Variants in ATP6V0A1 observed in about 807,000 individuals in gnomAD.
The protein encoded by ATP6V0A1 is ATPase H+ transporting V0 subunit a1, also known as V-type proton ATPase 116 kDa subunit a 1.
In ATP6V0A1, 43 loss-of-function variants were observed where a neutral mutation model predicts 105.4. The ratio of observed to expected loss-of-function variants is 0.41; its 90% confidence interval spans 0.32 to 0.53. The LOEUF (loss-of-function observed/expected upper bound fraction) is 0.53. Among genes scored for constraint, ATP6V0A1 ranks in the 20% least tolerant of loss-of-function variants. The probability of loss-of-function intolerance (pLI) is 0.30; values close to 1 mark genes in which losing one functional copy is unlikely to be tolerated. For synonymous variants in ATP6V0A1, 362 were observed against 372.8 expected, an observed-to-expected ratio of 0.97 and a Z score of 0.33; for missense variants, 676 against 1,051.1, an observed-to-expected ratio of 0.64 and a Z score of 4.93.
At chr17:42,518,868 C>T (rs2092728357) in intron 21 of ATP6V0A1, 1 of 152,248 alleles carries the variant, frequency 6.6e-6, no homozygotes, top group Non-Finnish European at 1.5e-5. Context: ...GATGGGGCCC[C>T]CCTTGCCCTG....
chr17:42,480,601 GTTAT>G lies in ATP6V0A1; in HGVS notation c.634-62_634-59del, dbSNP rs1304629130. 2.7e-6 allele frequency: 4 copies of G among 1,506,592 alleles called. No homozygotes were observed. In the African/African-American group the frequency reaches 4.2e-5, roughly 16 times the overall value. 93.3% of individuals were successfully genotyped at this position (1,506,592 alleles called of 1,614,324 possible). ...TGTTCTTGCATCACCAAAAAAGTGG[GTTAT>G]TTAAGAGATTTTCATCCAGATACAG... On this transcript the variant is annotated intron_variant, in intron 7 of 21. Coordinates refer to ENST00000343619, the MANE Select transcript of ATP6V0A1 (RefSeq NM_001130021.3).
chr17:42,514,444 G>A lies in ATP6V0A1; in HGVS notation c.2404G>A (p.Ala802Thr), dbSNP rs1599145248. 1 of 1,605,366 alleles carries A rather than the reference G, an allele frequency of 6.2e-7. No individual in the cohort carries two copies. Reference protein sequence around the residue: ...IMEGLSAFLHALRLHWVEFQN... With the variant: ...IMEGLSAFLHTLRLHWVEFQN... Reference sequence around the variant, plus strand: ...GGAGGGCCTCTCGGCCTTTCTCCACGCACTGCGCTTACACTGGTGAGGGGC... The same window carrying A: ...GGAGGGCCTCTCGGCCTTTCTCCACACACTGCGCTTACACTGGTGAGGGGC... The change falls in exon 21 of 22, where the codon GCA becomes ACA. Residue 802 changes from alanine to threonine, a missense_variant. Ala to Thr is a moderately conservative substitution (Grantham distance 58). Around this residue, in one of 3 missense-constraint regions of ATP6V0A1, gnomAD observed 435 missense variants for 642.2 expected, o/e 0.68. Transcript: ENST00000343619.
intron 5 of ATP6V0A1, among the ~76,000 whole-genome samples, chr17:42,475,045 A>T (rs2088547553): frequency 6.6e-6 from 1 of 152,220 alleles, no homozygotes; most frequent in African/African-American, 2.4e-5. Context: ...ATATGAGAAC[A>T]TAAAGAAGAC....
Position 42,521,096 on chromosome 17 carries a change from T to G in ATP6V0A1, c.2490T>G (p.Ile830Met). 1 of 1,609,702 alleles carries G rather than the reference T, an allele frequency of 6.2e-7. No individual in the cohort carries two copies. The highest frequency in any genetic ancestry group is 8.5e-7 in the Non-Finnish European group (1 of 1,177,988). Reference sequence around the variant, plus strand: ...TCTTACCCTTCTCCTTCGAGCATATTCGGGAAGGGAAGTTTGAAGAGTGAG... The same window carrying G: ...TCTTACCCTTCTCCTTCGAGCATATGCGGGAAGGGAAGTTTGAAGAGTGAG... Reference protein sequence around the residue: ...FKFLPFSFEHIREGKFEE With the variant: ...FKFLPFSFEHMREGKFEE Residue 830 changes from isoleucine (I) to methionine (M), a missense_variant, in exon 22 of 22, where the codon ATT (isoleucine) becomes ATG (methionine). Physicochemically the swap from Ile to Met is conservative, Grantham distance 10. Coordinates refer to ENST00000343619, the MANE Select transcript of ATP6V0A1 (RefSeq NM_001130021.3). This position sits in a 1 kb window ranked among gnomAD's most constrained non-coding sequence, Gnocchi z 4.8.
Position 42,498,934 on chromosome 17 carries a change from T to C in ATP6V0A1, c.1571T>C (p.Ile524Thr). The change falls in exon 15 of 22, where the codon ATT (isoleucine) becomes ACT (threonine). Residue 524 changes from isoleucine (I) to threonine (T), a missense_variant. By Grantham distance (89) the Ile-to-Thr change is moderately conservative. This residue lies in a region of ATP6V0A1 where 435 missense variants were observed against 642.2 expected (regional missense o/e 0.68). Transcript: ENST00000343619. Reference sequence around the variant, plus strand: ...CTCGGGTTATGACAGATTTGGAACATTGCTACCAATAAACTGACGTTCTTG... The same window carrying C: ...CTCGGGTTATGACAGATTTGGAACACTGCTACCAATAAACTGACGTTCTTG... ...YPFGIDPIWN[I>T]ATNKLTFLNS... 6.2e-7 allele frequency: 1 copy of C among 1,608,938 alleles called. No homozygotes were observed. Among genetic ancestry groups the C allele is most frequent in the Non-Finnish European group, 8.5e-7 (1 of 1,175,424 alleles).
intron 21 of ATP6V0A1, among the ~76,000 whole-genome samples, chr17:42,516,403 T>G (rs1567875144): frequency 1.3e-5 from 2 of 152,066 alleles, no homozygotes; most frequent in African/African-American, 4.8e-5. Context: ...CCTGGCTCTC[T>G]CCCTCCTGGC....
At position 42,514,410 on chromosome 17, in the gene ATP6V0A1, C is replaced by T. The variant is rs775854389; in HGVS notation, c.2370C>T (p.Leu790=). 7 of 1,613,304 alleles carry T rather than the reference C, an allele frequency of 4.3e-6. No homozygotes were observed. Among genetic ancestry groups the T allele is most frequent in the Non-Finnish European group, 5.9e-6 (7 of 1,179,706 alleles). The part of the protein sequence containing the change: ...TAFATLTVAI[L]LIMEGLSAFL... ...TTGCCACCCTGACCGTGGCCATCCT[C>T]CTGATCATGGAGGGCCTCTCGGCCT... The change falls in exon 21 of 22, where the codon CTC becomes CTT. Residue 790 remains leucine, a synonymous_variant. Coordinates refer to ENST00000343619, the MANE Select transcript of ATP6V0A1 (RefSeq NM_001130021.3).
chr17:42,474,390 T>G (rs1051814872), intron 5 of ATP6V0A1, among the ~76,000 whole-genome samples: 1 of 152,168 alleles, frequency 6.6e-6, no homozygotes, highest in South Asian at 2.1e-4. Flanking sequence ...GAGGTTCTTA[T>G]GCTGCTTTTG....
At chr17:42,472,722 T>C (rs2145755490) in intron 5 of ATP6V0A1, among the ~76,000 whole-genome samples, 1 of 151,474 alleles carries the variant, frequency 6.6e-6, no homozygotes, top group East Asian at 1.9e-4. Flanking sequence ...AGACTCCATC[T>C]CAAAAAAAAA....
Position 42,497,688 on chromosome 17 carries a change from AAAG to A in ATP6V0A1, c.1561-1233_1561-1231del, listed in dbSNP as rs1346675103. Among the ~76,000 whole-genome samples, 5 of 151,430 alleles carry A rather than the reference AAAG, an allele frequency of 3.3e-5. 1 individual carries two copies. The highest frequency in any genetic ancestry group is 3.3e-4 in the Admixed American group (5 of 15,184). On this transcript the variant is annotated intron_variant, in intron 14 of 21. Coordinates refer to ENST00000343619, the MANE Select transcript of ATP6V0A1 (RefSeq NM_001130021.3). Reference sequence around the variant, plus strand: ...ACTCCATCTAAAAGAAAAAAAAAAAAAAGAAATCATTGTTAATGCATTTACGTG... The same window carrying A: ...ACTCCATCTAAAAGAAAAAAAAAAAAAAATCATTGTTAATGCATTTACGTG...
intron 21 of ATP6V0A1, among the ~76,000 whole-genome samples, chr17:42,516,582 GC>G (rs1396605895): frequency 6.6e-6 from 1 of 152,174 alleles, no homozygotes; most frequent in Non-Finnish European, 1.5e-5. Flanking sequence ...TGTCTCTTGA[GC>G]CCTGGGTTTG....
chr17:42,490,006 G>T (rs1346224605), intron 10 of ATP6V0A1, among the ~76,000 whole-genome samples: 3 of 152,212 alleles, frequency 2.0e-5, no homozygotes, highest in Non-Finnish European at 4.4e-5. Context: ...CGTGCATGGG[G>T]GAGAGAAGCT....
chr17:42,477,147 A>G (rs1464340674), intron 5 of ATP6V0A1, among the ~76,000 whole-genome samples: 1 of 152,242 alleles, frequency 6.6e-6, no homozygotes, highest in African/African-American at 2.4e-5. Context: ...TTCCTTGGAA[A>G]GAGAGCCTCT....
chr17:42,510,621 C>A (rs1194456980), intron 19 of ATP6V0A1: 7 of 152,340 alleles, frequency 4.6e-5, no homozygotes, highest in African/African-American at 1.7e-4. Flanking sequence ...GAGTGGGGAA[C>A]TGGGGACAGG....
rs372452407 is a variant in ATP6V0A1 at position 42,506,376 on chromosome 17, A to G, written c.2005-1144A>G. Among the ~76,000 whole-genome samples the G allele has an allele frequency of 1.5e-4, 23 of 152,312 alleles. No individual in the cohort carries two copies. The East Asian group carries it at 1.5e-3, about 10-fold the overall frequency. On this transcript the variant is annotated intron_variant, in intron 17 of 21. Transcript: ENST00000343619. The stretch of plus-strand genomic sequence containing the variant: ...GACCAGCATGTTAAGGACCACTGCT[A>G]GAGTAGGAGGGAGGATTTGTGCAAA...
intron 10 of ATP6V0A1, among the ~76,000 whole-genome samples, chr17:42,489,285 T>G (rs2090410624): frequency 6.6e-6 from 1 of 151,980 alleles, no homozygotes; most frequent in Non-Finnish European, 1.5e-5. Context: ...TTCATCACGT[T>G]GACCAAGCTG....
chr17:42,461,549 C>T (rs969469119), intron 2 of ATP6V0A1, among the ~76,000 whole-genome samples: 1 of 151,918 alleles, frequency 6.6e-6, no homozygotes, highest in African/African-American at 2.4e-5. Flanking sequence ...CTGAGGCGGG[C>T]GGATCGGGAG....
At chr17:42,508,659 G>C in intron 19 of ATP6V0A1, 70 bp downstream of exon 19, 1 of 1,597,050 alleles carries the variant, frequency 6.3e-7, no homozygotes, top group Non-Finnish European at 8.6e-7. Flanking sequence ...TGATCACTCT[G>C]CTGACCCTGC....
rs1259668281 is a variant in ATP6V0A1, at chr17:42,477,733, T to C, written c.497T>C (p.Leu166Ser). 1 of 1,613,404 alleles carries C rather than the reference T, an allele frequency of 6.2e-7. No individual in the cohort carries two copies. The highest frequency in any genetic ancestry group is 1.1e-5 in the South Asian group (1 of 91,026). ...AGTGAGATGGGAAGAGGCACTCCTT[T>C]AAGACTTGGGTAAGTGCCATGTCAA... ...EPSEMGRGTPLRLGFVAGVIN... is the reference protein window; with the variant it reads ...EPSEMGRGTPSRLGFVAGVIN... The change falls in exon 6 of 22, where the codon TTA becomes TCA. Residue 166 changes from leucine (L) to serine (S), a missense_variant. This residue lies in a region of ATP6V0A1 where 239 missense variants were observed against 388.4 expected (regional missense o/e 0.62). Transcript: ENST00000343619.
Sources: gnomAD v4.1 joint callset for allele counts (sites outside exome capture counted in the v4.1 genomes callset) on GRCh38, gnomAD v4.1.1 for gene constraint, gnomAD v4.1.1 regional missense constraint, Gnocchi (gnomAD v3.1) non-coding constraint, MANE v1.5 for transcripts, NCBI Gene and HGNC (gene_info 2026-07-23, HGNC 2026-07-21) for gene names.